The following EPHB4 variants were observed in gnomAD, a reference collection of about 807,000 sequenced individuals.
EPHB4 encodes EPH receptor B4.
In EPHB4, 50 loss-of-function variants were observed where a neutral mutation model predicts 110.6. The ratio of observed to expected loss-of-function variants is 0.45; its 90% CI spans 0.36 to 0.57. The LOEUF is 0.57. EPHB4 is among the 20% of genes least tolerant of loss of function. The pLI is 0.00. For missense variants in EPHB4, 1,128 were observed against 1,382.1 expected (o/e 0.82, Z 2.91); for synonymous variants, 592 against 578.4 (o/e 1.02, Z -0.34).
chr7:100,817,493 C>A, intron 7 of EPHB4, 136 bp from the exon 8 acceptor site: 1 of 883,612 alleles, frequency 1.1e-6, no homozygotes, highest in East Asian at 3.1e-5. Flanking sequence ...AGAACTTACG[C>A]ATGCAAGCCA....
At chr7:100,805,441 T>G in intron 15 of EPHB4, 60 bp downstream of exon 15, 1 of 1,549,228 alleles carries the variant, frequency 6.5e-7, no homozygotes, top group South Asian at 1.2e-5. Context: ...GAACGGACAC[T>G]TCTGGGCAAG....
chr7:100,805,012 G>A (rs908865693), intron 16 of EPHB4, among the ~76,000 whole-genome samples, 154 bp downstream of exon 16: 3 of 152,300 alleles, frequency 2.0e-5, no homozygotes, highest in African/African-American at 7.2e-5. Flanking sequence ...GGCTGTGACT[G>A]CTCCTCTGGG....
rs909885420 is a variant in EPHB4, at chr7:100,806,694, A to C, written c.2335-125T>G. The stretch of plus-strand genomic sequence containing the variant: ...CCCTAGCTCAGGCCCCAAGCCTCCT[A>C]CTCTCCAACTCTGTTTGCCCAGGTT... On this transcript the variant is annotated intron_variant, in intron 13 of 16. Coordinates refer to ENST00000358173, the MANE Select transcript of EPHB4 (RefSeq NM_004444.5). The C allele has an allele frequency of 1.2e-5, 14 of 1,130,676 alleles. No homozygotes were observed. In the African/African-American group the frequency reaches 2.1e-4, roughly 17 times the overall value. 70.0% of individuals were successfully genotyped at this position (1,130,676 alleles called of 1,614,324 possible).
chr7:100,813,052 C>A (rs1457665397), intron 11 of EPHB4, 43 bp downstream of exon 11: 6 of 1,612,806 alleles, frequency 3.7e-6, no homozygotes, highest in Non-Finnish European at 5.1e-6. Context: ...CCCTGCCCAC[C>A]CCCGCTTCGT....
At position 100,824,220 on chromosome 7, in the gene EPHB4, G is replaced by A; in HGVS notation, c.106C>T (p.Pro36Ser). ...ETADLKWVTF[P>S]QVDGQWEELS... is the part of the protein sequence containing the mutation. ...GCTCTCACCTGCCCGTCCACCTGAG[G>A]GAATGTCACCCACTTCAGATCAGCA... is the stretch of plus-strand genomic sequence containing the variant. The change falls in exon 2 of 17, where the codon CCT (proline) becomes TCT (serine). Residue 36 changes from proline (P) to serine (S), a missense_variant. Coordinates refer to ENST00000358173, the MANE Select transcript of EPHB4 (RefSeq NM_004444.5). 6.2e-7 allele frequency: 1 copy of A among 1,614,116 alleles called. No homozygotes were observed. The highest frequency in any genetic ancestry group is 8.5e-7 in the Non-Finnish European group (1 of 1,180,000).
rs769847425 is a variant in EPHB4, at chr7:100,819,708, G to A, written c.1146C>T (p.Gly382=). Residue 382 remains glycine (G), a synonymous_variant, in exon 6 of 17, where the codon GGC becomes GGT. Transcript: ENST00000358173. ...PCGGDLTFDP[G]PRDLVEPWVV... ...CCCAGGGCTCCACCAGGTCCCGGGG[G>A]CCGGGGTCAAAAGTCAGGTCTCCCC... 2.5e-6 allele frequency: 4 copies of A among 1,613,336 alleles called. No individual in the cohort carries two copies. Among genetic ancestry groups the A allele is most frequent in the Non-Finnish European group, 3.4e-6 (4 of 1,179,838 alleles).
intron 3 of EPHB4, 97 bp downstream of exon 3, chr7:100,823,547 A>C: frequency 3.4e-6 from 5 of 1,461,074 alleles, no homozygotes; most frequent in Non-Finnish European, 4.6e-6. Context: ...CGCGCGGGCC[A>C]GAGGCCTCGC....
rs202006098 is a variant in EPHB4 at position 100,819,775 on chromosome 7, C to T, written c.1079G>A (p.Arg360His). The change falls in exon 6 of 17, where the codon CGC becomes CAC. Residue 360 changes from arginine to histidine, a missense_variant. Around this residue, in one of 3 missense-constraint regions of EPHB4, gnomAD observed 728 missense variants for 828.6 expected, o/e 0.88. Coordinates refer to ENST00000358173, the MANE Select transcript of EPHB4 (RefSeq NM_004444.5). ...GGREDLTYALRCRECRPGGSC... is the reference protein window; with the variant it reads ...GGREDLTYALHCRECRPGGSC... Reference sequence around the variant, plus strand: ...GCCTCCGGGTCGGCACTCCCGGCAGCGGAGGGCGTAGGTGAGGTCCTCTCG... The same window carrying T: ...GCCTCCGGGTCGGCACTCCCGGCAGTGGAGGGCGTAGGTGAGGTCCTCTCG... The T allele has an allele frequency of 6.5e-4, 1,025 of 1,588,892 alleles. 1 individual carries two copies. Among genetic ancestry groups the T allele is most frequent in the South Asian group, 9.2e-4 (82 of 88,698 alleles).
At chr7:100,812,173 A>G (rs1466687902) in intron 12 of EPHB4, among the ~76,000 whole-genome samples, 1 of 147,304 alleles carries the variant, frequency 6.8e-6, no homozygotes, top group East Asian at 2.0e-4. Context: ...ACTCCATCTC[A>G]AAAAAAAAAA....
intron 12 of EPHB4, among the ~76,000 whole-genome samples, chr7:100,812,541 A>T (rs1327479811): frequency 6.6e-6 from 1 of 152,194 alleles, no homozygotes; most frequent in Non-Finnish European, 1.5e-5. Flanking sequence ...ATGAGCCGAG[A>T]TCGCGCCACT....
At position 100,820,187 on chromosome 7, in the gene EPHB4, G is replaced by A. The variant is rs151161414; in HGVS notation, c.918C>T (p.Val306=). The change falls in exon 5 of 17, where the codon GTC becomes GTT. Residue 306 remains valine, a synonymous_variant. Transcript: ENST00000358173. ...GGTCTGTGCGTGCCCGGAAGTACCC[G>A]ACGCGGCACTGGCAGACGGCTGATC... ...TIGSAVCQCR[V]GYFRARTDPR... 1,568 of 1,614,094 alleles carry A rather than the reference G, an allele frequency of 9.7e-4. 15 individuals carry two copies. The South Asian group carries it at 0.011, about 12-fold the overall frequency.
intron 4 of EPHB4, among the ~76,000 whole-genome samples, chr7:100,821,914 A>C (rs886254147): frequency 1.3e-5 from 2 of 151,926 alleles, no homozygotes; most frequent in African/African-American, 2.4e-5. Context: ...TAATCCCAGC[A>C]CTTTGGGAGG....
At chr7:100,812,476 C>G (rs539296576) in intron 12 of EPHB4, among the ~76,000 whole-genome samples, 3 of 152,060 alleles carry the variant, frequency 2.0e-5, no homozygotes, top group African/African-American at 7.2e-5. Context: ...ATAGTACCAG[C>G]TACTTGGGAG....
rs113351255 is a variant in EPHB4 at position 100,803,639 on chromosome 7, G to A, written c.2835-49C>T. On this transcript the variant is annotated intron_variant, in intron 16 of 16. Transcript: ENST00000358173. ...GTGAGACCCTAGGTTCCCTGTGGCC[G>A]CTCTCCTCTCTTGGCTCCTGAGACG... 1.9e-5 allele frequency: 30 copies of A among 1,538,664 alleles called. 1 individual carries two copies. The highest frequency in any genetic ancestry group is 9.5e-5 in the African/African-American group (7 of 73,968).
At chr7:100,809,210 G>A (rs995068734) in intron 12 of EPHB4, among the ~76,000 whole-genome samples, 2 of 152,130 alleles carry the variant, frequency 1.3e-5, no homozygotes, top group African/African-American at 4.8e-5. Context: ...GAGTTCAAGC[G>A]ATTCTCCTGT....
intron 4 of EPHB4, 32 bp from the exon 5 acceptor site, chr7:100,820,328 G>T: frequency 6.2e-7 from 1 of 1,608,300 alleles, no homozygotes; most frequent in Non-Finnish European, 8.5e-7. Flanking sequence ...TCAAAAGCAT[G>T]CACAAAAACA....
At chr7:100,826,852 GAA>G (rs1382399971) in intron 1 of EPHB4, 125 bp downstream of exon 1, 1 of 909,008 alleles carries the variant, frequency 1.1e-6, no homozygotes, top group Non-Finnish European at 1.5e-6. Context: ...CTATCGGTCC[GAA>G]GTGTTTGGGA....
chr7:100,824,701 C>T, intron 1 of EPHB4: 1 of 187,508 alleles, frequency 5.3e-6, no homozygotes, highest in Non-Finnish European at 1.1e-5. Context: ...CCTCTCTACC[C>T]CACAATTTCA....
At chr7:100,813,790 G>A (rs1047521189) in intron 9 of EPHB4, 74 bp from the exon 10 acceptor site, 1 of 1,608,552 alleles carries the variant, frequency 6.2e-7, no homozygotes, top group Non-Finnish European at 8.5e-7. Flanking sequence ...CCAAAGGAAG[G>A]AGCAGGGATT....
Sources: gnomAD v4.1 joint callset for allele counts (sites outside exome capture counted in the v4.1 genomes callset) on GRCh38, gnomAD v4.1.1 for gene constraint, gnomAD v4.1.1 regional missense constraint, MANE v1.5 for transcripts, NCBI Gene and HGNC (gene_info 2026-07-23, HGNC 2026-07-21) for gene names.